The following TMEM131L variants were observed in gnomAD, a reference collection of about 807,000 sequenced individuals.
TMEM131L encodes the protein transmembrane protein 131-like.
A neutral mutation model predicts 192.2 loss-of-function variants in TMEM131L; 54 were observed. The observed-to-expected ratio is 0.28, with a 90% CI of 0.23 to 0.35. The LOEUF (loss-of-function observed/expected upper bound fraction) is 0.35. TMEM131L is among the 10% of genes least tolerant of loss of function. TMEM131L has a pLI of 1.00. For synonymous variants in TMEM131L, 701 were observed against 704.9 expected, an observed-to-expected ratio of 0.99 and a Z score of 0.09; for missense variants, 1,888 against 1,972.9, an observed-to-expected ratio of 0.96 and a Z score of 0.82.
chr4:153,545,453 A>G (rs1008039598), intron 3 of TMEM131L, among the ~76,000 whole-genome samples: 1 of 151,610 alleles, frequency 6.6e-6, no homozygotes, highest in African/African-American at 2.4e-5. Flanking sequence ...ATGCCTGACT[A>G]ATTTTTTGTA....
intron 7 of TMEM131L, among the ~76,000 whole-genome samples, chr4:153,566,421 C>T (rs992550944): frequency 2.0e-5 from 3 of 152,152 alleles, no homozygotes; most frequent in African/African-American, 7.2e-5. Flanking sequence ...AGGCATGAGC[C>T]ACTGTGTCCG....
At chr4:153,582,953 T>C (rs1730461832) in intron 9 of TMEM131L, among the ~76,000 whole-genome samples, 2 of 152,116 alleles carry the variant, frequency 1.3e-5, no homozygotes, top group Admixed American at 1.3e-4. Flanking sequence ...CCTCATCATT[T>C]AGAGGGCTTA....
intron 16 of TMEM131L, among the ~76,000 whole-genome samples, chr4:153,590,171 C>A (rs1730971366): frequency 6.6e-6 from 1 of 152,108 alleles, no homozygotes; most frequent in African/African-American, 2.4e-5. Flanking sequence ...GTCTTGTTTT[C>A]TTAGTTTTCT....
intron 3 of TMEM131L, among the ~76,000 whole-genome samples, chr4:153,495,430 A>G (rs1232459246): frequency 6.6e-6 from 1 of 152,104 alleles, no homozygotes; most frequent in Admixed American, 6.6e-5. Flanking sequence ...GCTTGCTTTT[A>G]TATATTTTAG....
chr4:153,510,639 A>G (rs150865511), intron 3 of TMEM131L, among the ~76,000 whole-genome samples: 233 of 152,356 alleles, frequency 1.5e-3, no homozygotes, highest in African/African-American at 5.2e-3. Context: ...GCGCTTTGGA[A>G]GGCTGGGGCA....
At chr4:153,497,787 C>T (rs1250274037) in intron 3 of TMEM131L, among the ~76,000 whole-genome samples, 2 of 148,254 alleles carry the variant, frequency 1.3e-5, no homozygotes, top group East Asian at 2.0e-4. Context: ...ATAGACTATA[C>T]TCTTTTCTAC....
At chr4:153,616,152 G>A (rs569960493) in intron 26 of TMEM131L, among the ~76,000 whole-genome samples, 16 of 152,152 alleles carry the variant, frequency 1.1e-4, no homozygotes, top group Admixed American at 2.0e-4. Flanking sequence ...GTTCACAGGA[G>A]ACAGGCCCAT....
intron 25 of TMEM131L, among the ~76,000 whole-genome samples, chr4:153,607,576 C>T (rs1377723205): frequency 2.0e-5 from 3 of 152,262 alleles, no homozygotes; most frequent in East Asian, 1.9e-4. Context: ...TCTGTAGAAA[C>T]CATTCTAGTC....
chr4:153,470,889 C>T (rs1731107516), intron 2 of TMEM131L, among the ~76,000 whole-genome samples: 1 of 152,224 alleles, frequency 6.6e-6, no homozygotes. Context: ...CCCCGCTGGT[C>T]ATTCAGGGCC....
chr4:153,565,782 A>G (rs1182495490), intron 7 of TMEM131L, among the ~76,000 whole-genome samples: 2 of 152,246 alleles, frequency 1.3e-5, no homozygotes, highest in East Asian at 1.9e-4. Flanking sequence ...TTTGAATTAT[A>G]ATTATGATAC....
At chr4:153,525,366 A>T (rs1223822449) in intron 3 of TMEM131L, among the ~76,000 whole-genome samples, 1 of 151,904 alleles carries the variant, frequency 6.6e-6, no homozygotes, top group African/African-American at 2.4e-5. Context: ...TTGAGACTGG[A>T]TCTCACTCTG....
intron 3 of TMEM131L, among the ~76,000 whole-genome samples, chr4:153,505,268 C>T (rs955684429): frequency 3.9e-5 from 6 of 151,934 alleles, no homozygotes; most frequent in Non-Finnish European, 8.8e-5. Flanking sequence ...CACCACACCC[C>T]GGTAATTTTT....
intron 21 of TMEM131L, among the ~76,000 whole-genome samples, chr4:153,601,689 T>C (rs1731849580): frequency 6.6e-6 from 1 of 152,234 alleles, no homozygotes; most frequent in Admixed American, 6.5e-5. Flanking sequence ...ATGTTTGAAC[T>C]GTGTTTCTAG....
At chr4:153,495,329 A>G (rs7692557) in intron 3 of TMEM131L, among the ~76,000 whole-genome samples, 1 of 151,724 alleles carries the variant, frequency 6.6e-6, no homozygotes, top group Non-Finnish European at 1.5e-5. Context: ...GAAAACAAAA[A>G]AAAAAAACAA....
At chr4:153,605,292 C>T (rs1005795643) in intron 25 of TMEM131L, among the ~76,000 whole-genome samples, 15 of 152,158 alleles carry the variant, frequency 9.9e-5, no homozygotes, top group Non-Finnish European at 1.9e-4. Flanking sequence ...AGCATAAGGG[C>T]CTGTGCTTAT....
intron 7 of TMEM131L, among the ~76,000 whole-genome samples, chr4:153,564,131 A>C (rs777822203): frequency 6.6e-6 from 1 of 151,904 alleles, no homozygotes; most frequent in Non-Finnish European, 1.5e-5. Context: ...TCTACTAAAA[A>C]TACAAAAATT....
intron 3 of TMEM131L, among the ~76,000 whole-genome samples, chr4:153,496,051 C>G (rs1733149222): frequency 6.6e-6 from 1 of 152,102 alleles, no homozygotes; most frequent in Non-Finnish European, 1.5e-5. Context: ...CCTCCGAATG[C>G]CAAGCTAGCC....
At chr4:153,474,196 G>C (rs184579849) in intron 3 of TMEM131L, among the ~76,000 whole-genome samples, 2 of 152,200 alleles carry the variant, frequency 1.3e-5, no homozygotes, top group African/African-American at 4.8e-5. Flanking sequence ...ACCGTGCTGG[G>C]TGCTGAACAT....
chr4:153,532,446 T>TAA (rs57314018), intron 3 of TMEM131L, among the ~76,000 whole-genome samples: 121 of 145,056 alleles, frequency 8.3e-4, no homozygotes, highest in African/African-American at 2.5e-3. Context: ...GCTTTTTTTT[T>TAA]AAAAAAAAAA....
Sources: gnomAD v4.1 joint callset for allele counts (sites outside exome capture counted in the v4.1 genomes callset) on GRCh38, gnomAD v4.1.1 for gene constraint, MANE v1.5 for transcripts, NCBI Gene and HGNC (gene_info 2026-07-23, HGNC 2026-07-21) for gene names.